The following EYS variants were observed in gnomAD, a reference collection of about 807,000 sequenced individuals.
EYS encodes protein eyes shut homolog.
In EYS, 250 loss-of-function variants were observed where a neutral mutation model predicts 282.1. The ratio of observed to expected loss-of-function variants is 0.89; its 90% CI spans 0.80 to 0.98. The LOEUF is 0.98. EYS is among the 50% of genes least tolerant of loss of function. The pLI is 0.00. For missense variants in EYS, 4,016 were observed against 3,709.0 expected (o/e 1.08, Z -2.15); for synonymous variants, 1,355 against 1,282.9 (o/e 1.06, Z -1.20).
chr6:63,945,772 C>T (rs572479541), intron 35 of EYS, among the ~76,000 whole-genome samples: 1 of 152,270 alleles, frequency 6.6e-6, no homozygotes, highest in African/African-American at 2.4e-5. Flanking sequence ...CTTGTTAGCT[C>T]TGTTTCATCA....
At chr6:65,086,886 C>G (rs747770128) in intron 12 of EYS, among the ~76,000 whole-genome samples, 7 of 151,504 alleles carry the variant, frequency 4.6e-5, no homozygotes, top group Non-Finnish European at 8.8e-5. Context: ...TGCAGTGGCA[C>G]GAACTCGGCT....
At chr6:64,654,253 T>A (rs1358352205) in intron 22 of EYS, among the ~76,000 whole-genome samples, 2 of 152,202 alleles carry the variant, frequency 1.3e-5, no homozygotes, top group African/African-American at 4.8e-5. Flanking sequence ...AATTGTCTAA[T>A]AAATTAATGA....
chr6:64,303,659 G>A (rs1214788331), intron 30 of EYS, among the ~76,000 whole-genome samples: 4 of 151,516 alleles, frequency 2.6e-5, no homozygotes, highest in South Asian at 4.2e-4. Flanking sequence ...TGGCTAACAC[G>A]GTGAAACCCC....
At chr6:64,353,197 A>T (rs1265985940) in intron 29 of EYS, among the ~76,000 whole-genome samples, 3 of 151,434 alleles carry the variant, frequency 2.0e-5, no homozygotes, top group Non-Finnish European at 4.4e-5. Context: ...ATGCTATATA[A>T]TATTATATTG....
chr6:64,454,447 A>T (rs1471703998), intron 26 of EYS, among the ~76,000 whole-genome samples: 2 of 152,138 alleles, frequency 1.3e-5, no homozygotes, highest in African/African-American at 4.8e-5. Context: ...TTAGAAATTA[A>T]TGTGAATTCC....
At chr6:63,858,151 A>C (rs908585727) in intron 36 of EYS, among the ~76,000 whole-genome samples, 4 of 152,182 alleles carry the variant, frequency 2.6e-5, no homozygotes, top group African/African-American at 9.6e-5. Flanking sequence ...TAAGAATTTT[A>C]AATGTGACAA....
intron 15 of EYS, among the ~76,000 whole-genome samples, chr6:64,930,945 T>C (rs556516551): frequency 6.6e-6 from 1 of 151,954 alleles, no homozygotes; most frequent in Non-Finnish European, 1.5e-5. Flanking sequence ...GGAAGAAAAA[T>C]CAGAAATAAA....
At chr6:64,860,642 C>A (rs1327682739) in intron 19 of EYS, among the ~76,000 whole-genome samples, 1 of 152,212 alleles carries the variant, frequency 6.6e-6, no homozygotes, top group Non-Finnish European at 1.5e-5. Flanking sequence ...CCCTGAAGGG[C>A]CACAGCTGTT....
At chr6:65,123,673 A>G (rs538023996) in intron 12 of EYS, among the ~76,000 whole-genome samples, 1 of 152,006 alleles carries the variant, frequency 6.6e-6, no homozygotes, top group Non-Finnish European at 1.5e-5. Context: ...CAAAAGTGAA[A>G]GCAGCTTTGG....
intron 36 of EYS, among the ~76,000 whole-genome samples, chr6:63,861,170 G>A (rs1047214192): frequency 3.3e-4 from 50 of 152,136 alleles, no homozygotes; most frequent in East Asian, 2.1e-3. Flanking sequence ...TATAATAAAC[G>A]GTTTCCTACA....
At chr6:64,598,510 T>C (rs1486709142) in intron 24 of EYS, among the ~76,000 whole-genome samples, 3 of 152,110 alleles carry the variant, frequency 2.0e-5, no homozygotes, top group East Asian at 1.9e-4. Flanking sequence ...CAAGATGATA[T>C]AGTAATTTCT....
At chr6:64,834,388 T>A (rs758616919) in intron 19 of EYS, among the ~76,000 whole-genome samples, 1 of 151,810 alleles carries the variant, frequency 6.6e-6, no homozygotes, top group Non-Finnish European at 1.5e-5. Flanking sequence ...CAGAGCTGCA[T>A]GAAAAAATGG....
At chr6:64,665,720 G>A (rs535340996) in intron 22 of EYS, among the ~76,000 whole-genome samples, 140 of 152,120 alleles carry the variant, frequency 9.2e-4, no homozygotes, top group African/African-American at 3.2e-3. Flanking sequence ...ACCCCCTCCC[G>A]CTTTTCTTTT....
At chr6:64,721,510 T>A (rs1771580306) in intron 22 of EYS, among the ~76,000 whole-genome samples, 1 of 152,166 alleles carries the variant, frequency 6.6e-6, no homozygotes, top group Non-Finnish European at 1.5e-5. Flanking sequence ...TTAACTAATA[T>A]TTATTGATGG....
intron 15 of EYS, among the ~76,000 whole-genome samples, chr6:64,915,105 G>A (rs371624138): frequency 1.3e-5 from 2 of 151,868 alleles, no homozygotes; most frequent in Admixed American, 1.3e-4. Context: ...AGTTTCTAAG[G>A]TGCTTTTTTT....
intron 26 of EYS, among the ~76,000 whole-genome samples, chr6:64,583,652 A>G (rs553682983): frequency 6.6e-5 from 10 of 152,190 alleles, no homozygotes; most frequent in African/African-American, 2.4e-4. Flanking sequence ...AAAATTAGCC[A>G]GGCGTGGTGA....
Position 63,788,138 on chromosome 6 carries a change from G to C in EYS, c.7690C>G (p.Pro2564Ala). 6.5e-7 allele frequency: 1 copy of C among 1,543,778 alleles called. No individual in the cohort carries two copies. Among genetic ancestry groups the C allele is most frequent in the African/African-American group, 1.4e-5 (1 of 72,732 alleles). ...GYSEYTPDLL[P>A]NGADFKNGFQ... ...CCATTTTTAAAATCTGCTCCATTTGGTAAGAGATCTGGAGTGTATTCACTG... is the reference window on the plus strand; with the variant it reads ...CCATTTTTAAAATCTGCTCCATTTGCTAAGAGATCTGGAGTGTATTCACTG... Residue 2564 changes from proline (P) to alanine (A), a missense_variant, in exon 39 of 43, where the codon CCA (proline) becomes GCA (alanine). By Grantham distance (27) the Pro-to-Ala change is conservative (BLOSUM62 -1). Transcript: ENST00000503581.
At chr6:63,856,988 C>T (rs1003130721) in intron 36 of EYS, among the ~76,000 whole-genome samples, 1 of 152,044 alleles carries the variant, frequency 6.6e-6, no homozygotes, top group Non-Finnish European at 1.5e-5. Context: ...AGATTTAGCT[C>T]CATATAACAG....
At chr6:63,975,138 G>A (rs777163681) in intron 35 of EYS, among the ~76,000 whole-genome samples, 1 of 151,668 alleles carries the variant, frequency 6.6e-6, no homozygotes, top group Non-Finnish European at 1.5e-5. Flanking sequence ...AATAGAAATT[G>A]TGAAACCTAG....
Sources: gnomAD v4.1 joint callset for allele counts (sites outside exome capture counted in the v4.1 genomes callset) on GRCh38, gnomAD v4.1.1 for gene constraint, MANE v1.5 for transcripts, NCBI Gene and HGNC (gene_info 2026-07-23, HGNC 2026-07-21) for gene names.